DDX10: variants seen among roughly 807,000 people sequenced by gnomAD.
DDX10 encodes the protein DEAD-box helicase 10.
A neutral mutation model predicts 104.3 loss-of-function variants in DDX10; 74 were observed. The observed-to-expected ratio is 0.71, with a 90% confidence interval of 0.59 to 0.86. The LOEUF is 0.86. Ranked by LOEUF, DDX10 falls within the 40% of genes least tolerant of loss-of-function variation. The pLI, the probability that DDX10 is intolerant of heterozygous loss-of-function variation, is 0.00. For synonymous variants in DDX10, 351 were observed against 353.4 expected, an observed-to-expected ratio of 0.99 and a Z score of 0.08; for missense variants, 952 against 1,040.0, an observed-to-expected ratio of 0.92 and a Z score of 1.16.
In DDX10 at chr11:108,718,150, C is replaced by T. The variant is rs528667439; in HGVS notation, c.1411-1647C>T. Among the ~76,000 whole-genome samples the T allele has an allele frequency of 5.3e-5, 8 of 149,610 alleles. No individual in the cohort carries two copies. The East Asian group carries it at 7.9e-4, about 15-fold the overall frequency. On this transcript the variant is annotated intron_variant, in intron 11 of 17. Coordinates refer to ENST00000322536, the MANE Select transcript of DDX10 (RefSeq NM_004398.4). ...ATTGCACTGCAGCTGGCCTACAGAG[C>T]GAGGCTCTGTCTCAAAAAAAAAAAA...
intron 6 of DDX10, among the ~76,000 whole-genome samples, chr11:108,686,941 C>T (rs549161421): frequency 3.9e-5 from 6 of 152,100 alleles, no homozygotes; most frequent in East Asian, 3.9e-4. Context: ...CCCGCCACCA[C>T]GCCCGGCTAC....
intron 17 of DDX10, 129 bp downstream of exon 17, chr11:108,918,147 T>A: frequency 1.1e-6 from 1 of 899,720 alleles, no homozygotes; most frequent in Non-Finnish European, 1.7e-6. Context: ...TACCTTTACT[T>A]AGATTCCTGG....
At chr11:108,905,853 G>A (rs1004839042) in intron 16 of DDX10, among the ~76,000 whole-genome samples, 7 of 152,174 alleles carry the variant, frequency 4.6e-5, no homozygotes, top group Non-Finnish European at 7.3e-5. Flanking sequence ...TCCAGTCATG[G>A]CAGAAGGCAT....
chr11:108,751,606 C>T (rs568324808), intron 13 of DDX10, among the ~76,000 whole-genome samples: 83 of 152,068 alleles, frequency 5.5e-4, no homozygotes, highest in Non-Finnish European at 1.1e-3. Context: ...ATCAGACTGC[C>T]GAAGGGGGCC....
chr11:108,878,145 T>A (rs1478338308), intron 16 of DDX10, among the ~76,000 whole-genome samples: 1 of 152,216 alleles, frequency 6.6e-6, no homozygotes, highest in Non-Finnish European at 1.5e-5. Context: ...CATATTGGAT[T>A]TATATACAGG....
intron 13 of DDX10, among the ~76,000 whole-genome samples, chr11:108,784,245 G>A (rs888771395): frequency 6.6e-6 from 1 of 152,166 alleles, no homozygotes; most frequent in African/African-American, 2.4e-5. Flanking sequence ...TTCCAAAGTG[G>A]CTAAACTAGT....
In DDX10 at chr11:108,912,882, G is replaced by A. The variant is rs191472538; in HGVS notation, c.2305-4991G>A. On this transcript the variant is annotated intron_variant, in intron 16 of 17. Transcript: ENST00000322536. ...CACATGTCAATTGTGTATTTAGTAA[G>A]AGGCTAATCAGAGACTCAAAAGAAT... Among the ~76,000 whole-genome samples the A allele has an allele frequency of 3.6e-3, 543 of 152,230 alleles. 5 individuals are homozygous for A. Among genetic ancestry groups the A allele is most frequent in the Non-Finnish European group, 5.2e-3 (351 of 68,006 alleles).
chr11:108,739,432 G>A (rs1026311110), intron 13 of DDX10, among the ~76,000 whole-genome samples: 1 of 152,200 alleles, frequency 6.6e-6, no homozygotes, highest in Non-Finnish European at 1.5e-5. Flanking sequence ...ACTGCTGTTA[G>A]AGCACTCAGC....
intron 13 of DDX10, among the ~76,000 whole-genome samples, chr11:108,765,983 C>CA (rs2094355932): frequency 6.6e-6 from 1 of 152,156 alleles, no homozygotes; most frequent in African/African-American, 2.4e-5. Flanking sequence ...CAAGGTTCTC[C>CA]ACAGTTGCAT....
At chr11:108,847,372 TA>T (rs1395534900) in intron 15 of DDX10, among the ~76,000 whole-genome samples, 4 of 152,194 alleles carry the variant, frequency 2.6e-5, no homozygotes, top group African/African-American at 9.6e-5. Context: ...AAGGTGATAA[TA>T]TTTGCTATCA....
intron 17 of DDX10, among the ~76,000 whole-genome samples, chr11:108,931,268 T>G (rs1196653099): frequency 6.6e-6 from 1 of 152,218 alleles, no homozygotes. Flanking sequence ...GAAGCTATAG[T>G]TAACATTTAT....
chr11:108,731,113 C>G (rs1012589645), intron 13 of DDX10, among the ~76,000 whole-genome samples: 2 of 151,450 alleles, frequency 1.3e-5, no homozygotes, highest in Non-Finnish European at 2.9e-5. Context: ...GTGCAGTGGC[C>G]GATCTTGGCT....
intron 6 of DDX10, among the ~76,000 whole-genome samples, chr11:108,683,892 G>T (rs569000934): frequency 6.6e-6 from 1 of 152,154 alleles, no homozygotes; most frequent in East Asian, 1.9e-4. Flanking sequence ...GGTGGAGGTT[G>T]TGTGTACTAA....
intron 13 of DDX10, among the ~76,000 whole-genome samples, chr11:108,759,391 G>C (rs2094348058): frequency 6.6e-6 from 1 of 151,894 alleles, no homozygotes; most frequent in African/African-American, 2.4e-5. Flanking sequence ...CCACTGGTTT[G>C]TGTGACGATT....
At chr11:108,698,661 C>T (rs2094263209) in intron 9 of DDX10, among the ~76,000 whole-genome samples, 2 of 152,146 alleles carry the variant, frequency 1.3e-5, no homozygotes, top group Non-Finnish European at 2.9e-5. Flanking sequence ...AGGGGTGCCC[C>T]CACTTTATTC....
At chr11:108,870,772 T>C (rs1482042859) in intron 16 of DDX10, among the ~76,000 whole-genome samples, 1 of 152,226 alleles carries the variant, frequency 6.6e-6, no homozygotes, top group Non-Finnish European at 1.5e-5. Flanking sequence ...TTGTTTTTAC[T>C]GTCACTAGAA....
At chr11:108,754,899 AC>A (rs1200721219) in intron 13 of DDX10, among the ~76,000 whole-genome samples, 2 of 152,054 alleles carry the variant, frequency 1.3e-5, no homozygotes, top group Non-Finnish European at 2.9e-5. Flanking sequence ...TCAGACTGAT[AC>A]ATTTACATCT....
chr11:108,874,102 A>G (rs1356027919), intron 16 of DDX10, among the ~76,000 whole-genome samples: 2 of 152,228 alleles, frequency 1.3e-5, no homozygotes, highest in African/African-American at 4.8e-5. Context: ...AGAAAAAACA[A>G]TAATTCTGCA....
At position 108,781,377 on chromosome 11, in the gene DDX10, A is replaced by G. The variant is rs564820583; in HGVS notation, c.1966-57069A>G. The stretch of plus-strand genomic sequence containing the variant: ...AGCATGGCATTGAACATGTGAGTGC[A>G]TGTGTCTTTTTGGTATAATGATCTA... On this transcript the variant is annotated intron_variant, in intron 13 of 17. Transcript: ENST00000322536. Among the ~76,000 whole-genome samples the G allele has an allele frequency of 4.6e-5, 7 of 152,262 alleles. No individual in the cohort carries two copies. The South Asian group carries it at 1.5e-3, about 32-fold the overall frequency.
Sources: allele counts gnomAD v4.1 joint callset (sites outside exome capture counted in the v4.1 genomes callset), GRCh38; gene constraint gnomAD v4.1.1; transcripts MANE v1.5; gene names NCBI Gene and HGNC (gene_info 2026-07-23, HGNC 2026-07-21).